Variants in ARHGAP25 observed in about 807,000 individuals in gnomAD.
ARHGAP25 encodes Rho GTPase activating protein 25.
A neutral mutation model predicts 71.0 loss-of-function variants in ARHGAP25; 34 were observed. That is an observed-to-expected ratio of 0.48 (90% CI 0.36 to 0.64). ARHGAP25 has a LOEUF of 0.64. Ranked by LOEUF, ARHGAP25 falls within the 30% of genes least tolerant of loss-of-function variation. The pLI is 0.00. For synonymous variants in ARHGAP25, 282 were observed against 296.5 expected (o/e 0.95, Z 0.50); for missense variants, 706 against 805.1 (o/e 0.88, Z 1.49).
At chr2:68,718,914 C>T (rs1463486504) in intron 2 of ARHGAP25, among the ~76,000 whole-genome samples, 5 of 152,102 alleles carry the variant, frequency 3.3e-5, no homozygotes, top group Admixed American at 1.3e-4. Flanking sequence ...AACCTTCATT[C>T]TCTGGGGAGG....
At chr2:68,800,953 A>T (rs1248411451) in intron 4 of ARHGAP25, among the ~76,000 whole-genome samples, 2 of 152,138 alleles carry the variant, frequency 1.3e-5, no homozygotes, top group Non-Finnish European at 2.9e-5. Context: ...TAAGATGGAA[A>T]TGCTCTGCTA....
chr2:68,775,055 G>C, intron 1 of ARHGAP25, 166 bp from the exon 2 acceptor site: 1 of 1,523,506 alleles, frequency 6.6e-7, no homozygotes, highest in Non-Finnish European at 8.8e-7. Context: ...CTGCTTCTCT[G>C]GCTCGGGGGG....
At chr2:68,807,137 A>T in intron 4 of ARHGAP25, 136 bp from the exon 5 acceptor site, 1 of 774,288 alleles carries the variant, frequency 1.3e-6, no homozygotes, top group East Asian at 2.7e-5. Flanking sequence ...AAATATTCTG[A>T]GTGATTTATC....
chr2:68,725,738 C>G (rs920424754), intron 2 of ARHGAP25, among the ~76,000 whole-genome samples: 3 of 152,194 alleles, frequency 2.0e-5, no homozygotes, highest in African/African-American at 7.2e-5. Flanking sequence ...AATTCGTCCC[C>G]TATTACCTTG....
intron 6 of ARHGAP25, among the ~76,000 whole-genome samples, chr2:68,815,308 G>T (rs761745205): frequency 2.0e-5 from 3 of 152,164 alleles, no homozygotes; most frequent in Non-Finnish European, 4.4e-5. Flanking sequence ...GCATGAAGCT[G>T]ATGCTACGCT....
intron 3 of ARHGAP25, among the ~76,000 whole-genome samples, chr2:68,784,844 A>G (rs535218731): frequency 1.3e-5 from 2 of 152,344 alleles, no homozygotes; most frequent in East Asian, 3.9e-4. Context: ...TTCTGATAGG[A>G]TAGCAATTAT....
At chr2:68,802,901 ACATATATC>A (rs1680101858) in intron 4 of ARHGAP25, among the ~76,000 whole-genome samples, 1 of 143,386 alleles carries the variant, frequency 7.0e-6, no homozygotes, top group Admixed American at 6.9e-5. Flanking sequence ...ATGTACACAC[ACATATATC>A]CATATATACA....
At chr2:68,750,099 T>C (rs1435793350) in intron 1 of ARHGAP25, among the ~76,000 whole-genome samples, 3 of 151,874 alleles carry the variant, frequency 2.0e-5, no homozygotes, top group African/African-American at 4.8e-5. Flanking sequence ...CTCAACATCC[T>C]GGGCTCAAAC....
intron 3 of ARHGAP25, among the ~76,000 whole-genome samples, chr2:68,786,999 C>T (rs1005825057): frequency 6.6e-6 from 1 of 152,192 alleles, no homozygotes; most frequent in East Asian, 1.9e-4. Flanking sequence ...AGCAGGTCCA[C>T]GGATGAAGTT....
chr2:68,797,218 G>A (rs191480808), intron 4 of ARHGAP25, among the ~76,000 whole-genome samples: 1 of 152,290 alleles, frequency 6.6e-6, no homozygotes, highest in East Asian at 1.9e-4. Context: ...GCCTTGATTA[G>A]GGGGTAGAGG....
At chr2:68,792,184 G>A (rs1025254693) in intron 4 of ARHGAP25, among the ~76,000 whole-genome samples, 1 of 152,094 alleles carries the variant, frequency 6.6e-6, no homozygotes, top group South Asian at 2.1e-4. Context: ...TGCTGAGTGA[G>A]GAAACAATGC....
At chr2:68,732,639 A>T (rs1182992229), upstream of ARHGAP25, among the ~76,000 whole-genome samples, 2 of 151,530 alleles carry the variant, frequency 1.3e-5, no homozygotes, top group Non-Finnish European at 2.9e-5. Context: ...ATCAGCAAAC[A>T]CTCCGGCCCT....
chr2:68,799,145 G>A (rs754977470), intron 4 of ARHGAP25, among the ~76,000 whole-genome samples: 3 of 152,154 alleles, frequency 2.0e-5, no homozygotes, highest in East Asian at 1.9e-4. Flanking sequence ...TGTTTTGGAG[G>A]CAACATTGCC....
intron 7 of ARHGAP25, 187 bp downstream of exon 7, chr2:68,816,549 A>C (rs939060): frequency 0.95 from 561,930 of 594,034 alleles, 265,943 homozygotes; most frequent in East Asian, 0.99. Context: ...ACCTGGTTGA[A>C]CCAAAAAATG....
At chr2:68,781,568 C>T (rs371527673) in intron 2 of ARHGAP25, among the ~76,000 whole-genome samples, 6 of 152,296 alleles carry the variant, frequency 3.9e-5, no homozygotes, top group Middle Eastern at 3.4e-3. Context: ...GACCATTTCC[C>T]ACCACCTCAG....
At position 68,715,736 on chromosome 2, in the gene ARHGAP25, A is replaced by G. The variant is rs80228709; in HGVS notation, c.-18+5038A>G. Among the ~76,000 whole-genome samples, 814 of 152,232 alleles carry G rather than the reference A, an allele frequency of 5.3e-3. 6 individuals carry two copies. The highest frequency in any genetic ancestry group is 0.016 in the African/African-American group (685 of 41,544). ...AGCCATCCTACTGTGGACTTCTTGT[A>G]TGATATGTATTATTTTTTAAAGTTA... is the stretch of plus-strand genomic sequence containing the variant. On this transcript the variant is annotated intron_variant and NMD_transcript_variant, in intron 2 of 7. Transcript: ENST00000463483.
chr2:68,773,634 T>A (rs141810426), intron 1 of ARHGAP25, among the ~76,000 whole-genome samples: 261 of 152,278 alleles, frequency 1.7e-3, no homozygotes, highest in Middle Eastern at 0.01. Flanking sequence ...AACCAGCACG[T>A]ATACCCCCTG....
chr2:68,769,356 T>G (rs1018028742), intron 1 of ARHGAP25, among the ~76,000 whole-genome samples: 7 of 152,192 alleles, frequency 4.6e-5, no homozygotes, highest in Admixed American at 2.0e-4. Context: ...CCACTTACCC[T>G]TACTAATCCC....
At chr2:68,774,887 G>T in intron 1 of ARHGAP25, 2 of 1,332,000 alleles carry the variant, frequency 1.5e-6, no homozygotes, top group Non-Finnish European at 1.9e-6. Flanking sequence ...CCTTTTGTCA[G>T]ATGCTGTGGC....
Sources: gnomAD v4.1 joint callset for allele counts (sites outside exome capture counted in the v4.1 genomes callset) on GRCh38, gnomAD v4.1.1 for gene constraint, MANE v1.5 for transcripts, NCBI Gene and HGNC (gene_info 2026-07-23, HGNC 2026-07-21) for gene names.